NOTCH2: variants seen among roughly 807,000 people sequenced by gnomAD.
The protein encoded by NOTCH2 is neurogenic locus notch homolog protein 2.
A neutral mutation model predicts 235.8 loss-of-function variants in NOTCH2; 29 were observed. The observed-to-expected ratio is 0.12, with a 90% CI of 0.09 to 0.17. NOTCH2 has a LOEUF of 0.17. Among genes scored for constraint, NOTCH2 ranks in the 10% least tolerant of loss-of-function variants. The probability of loss-of-function intolerance (pLI) is 1.00; values close to 1 mark genes in which losing one functional copy is unlikely to be tolerated. For missense variants in NOTCH2, 2,285 were observed against 3,150.2 expected, an observed-to-expected ratio of 0.73 and a Z score of 6.57; for synonymous variants, 1,086 against 1,141.5, an observed-to-expected ratio of 0.95 and a Z score of 0.98.
At chr1:119,949,515 T>C (rs922109099) in intron 15 of NOTCH2, among the ~76,000 whole-genome samples, 7 of 151,060 alleles carry the variant, frequency 4.6e-5, no homozygotes, top group African/African-American at 1.7e-4. Flanking sequence ...GCCTCCCGAG[T>C]AGCTGGGACT....
At chr1:119,945,623 G>C (rs1650226174) in intron 17 of NOTCH2, among the ~76,000 whole-genome samples, 1 of 151,964 alleles carries the variant, frequency 6.6e-6, no homozygotes, top group African/African-American at 2.4e-5. Flanking sequence ...AGTTTAAAAA[G>C]GCCATTTCAA....
chr1:119,987,136 C>A (rs1468613932), intron 4 of NOTCH2, 54 bp from the exon 5 acceptor site: 28 of 1,606,018 alleles, frequency 1.7e-5, no homozygotes, highest in African/African-American at 4.0e-5. Flanking sequence ...AAGAAACGAC[C>A]TGCTCTGTTC....
intron 21 of NOTCH2, among the ~76,000 whole-genome samples, chr1:119,936,987 A>G (rs932680426): frequency 5.3e-5 from 8 of 152,064 alleles, no homozygotes; most frequent in African/African-American, 1.9e-4. Flanking sequence ...GTGGACTGCT[A>G]TGTTGGGTGG....
intron 1 of NOTCH2, among the ~76,000 whole-genome samples, chr1:120,055,768 A>G (rs1266298328): frequency 1.3e-5 from 2 of 152,058 alleles, no homozygotes; most frequent in African/African-American, 4.8e-5. Flanking sequence ...GAAGAAGCAA[A>G]CTGTCAAGGG....
intron 13 of NOTCH2, among the ~76,000 whole-genome samples, chr1:119,954,323 A>G (rs1258356997): frequency 6.6e-6 from 1 of 152,216 alleles, no homozygotes; most frequent in East Asian, 1.9e-4. Context: ...TGAGAGATGG[A>G]TAAGGGTGCC....
intron 7 of NOTCH2, 53 bp downstream of exon 7, chr1:119,968,024 T>A: frequency 6.2e-7 from 1 of 1,605,912 alleles, no homozygotes; most frequent in Non-Finnish European, 8.5e-7. Flanking sequence ...AGTTTAAACA[T>A]TTGCTGAGCT....
intron 22 of NOTCH2, among the ~76,000 whole-genome samples, chr1:119,934,411 C>T (rs1217806947): frequency 1.3e-5 from 2 of 152,212 alleles, no homozygotes; most frequent in African/African-American, 4.8e-5. Context: ...TTGTCCTAAC[C>T]AGTACAGTTT....
chr1:119,944,310 C>T (rs587684559), intron 17 of NOTCH2, among the ~76,000 whole-genome samples: 2 of 151,960 alleles, frequency 1.3e-5, no homozygotes, highest in South Asian at 2.1e-4. Context: ...TCCAGGTGGA[C>T]GGATAACAAG....
At chr1:120,035,376 T>C (rs1654268627) in intron 1 of NOTCH2, among the ~76,000 whole-genome samples, 1 of 151,638 alleles carries the variant, frequency 6.6e-6, no homozygotes, top group Non-Finnish European at 1.5e-5. Flanking sequence ...AGCCATTTCT[T>C]ACTTTAACGA....
In NOTCH2 at chr1:119,965,447, T is replaced by C. The variant is rs1161526792; in HGVS notation, c.1681+6A>G. 6.2e-7 allele frequency: 1 copy of C among 1,607,026 alleles called. No homozygotes were observed. Among genetic ancestry groups the C allele is most frequent in the Admixed American group, 1.7e-5 (1 of 60,008 alleles). Reference sequence around the variant, plus strand: ...CCAAGGAGATGAAAAGTGAGAAGAATCTTACCTGTGGCACACTGGCATTCA... The same window carrying C: ...CCAAGGAGATGAAAAGTGAGAAGAACCTTACCTGTGGCACACTGGCATTCA... On this transcript the variant is annotated splice_donor_region_variant and intron_variant, in intron 10 of 33. Transcript: ENST00000256646.
intron 22 of NOTCH2, among the ~76,000 whole-genome samples, chr1:119,930,972 G>A (rs1217180860): frequency 2.1e-5 from 3 of 145,338 alleles, no homozygotes; most frequent in South Asian, 2.2e-4. Context: ...GCATGGTGGC[G>A]GGCGCTTGTA....
chr1:120,029,945 C>G lies in NOTCH2; in HGVS notation c.116G>C (p.Gly39Ala). The G allele has an allele frequency of 1.4e-6, 1 of 721,536 alleles. No individual in the cohort carries two copies. The highest frequency in any genetic ancestry group is 2.4e-6 in the Non-Finnish European group (1 of 417,652). 44.7% of individuals were successfully genotyped at this position (721,536 alleles called of 1,614,324 possible). A position where few individuals can be genotyped will look rare whatever the true frequency, so the allele number is the denominator to read the frequency against. Residue 39 changes from glycine (G) to alanine (A), a missense_variant, in exon 2 of 34, where the codon GGA becomes GCA. Gly to Ala is a moderately conservative substitution (Grantham distance 60). Coordinates refer to ENST00000256646, the MANE Select transcript of NOTCH2 (RefSeq NM_024408.4). ...GCCATTGTGGTAGGTAACACACATT[C>G]CTTCATTTACACAGGGTTCATAGCC... ...RDGYEPCVNE[G>A]MCVTYHNGTG...
At chr1:119,932,659 G>C (rs943339363) in intron 22 of NOTCH2, among the ~76,000 whole-genome samples, 16 of 150,942 alleles carry the variant, frequency 1.1e-4, no homozygotes, top group South Asian at 2.1e-4. Context: ...ATCTCAGAGA[G>C]AGAGAGAGGA....
At chr1:119,935,218 C>A in intron 22 of NOTCH2, 4 of 1,371,788 alleles carry the variant, frequency 2.9e-6, no homozygotes, top group East Asian at 2.8e-5. Flanking sequence ...ATGTTGTATC[C>A]CTTCCATATT....
intron 3 of NOTCH2, among the ~76,000 whole-genome samples, chr1:120,004,004 T>C (rs1326852567): frequency 2.6e-5 from 4 of 151,522 alleles, no homozygotes; most frequent in Admixed American, 1.3e-4. Flanking sequence ...TGTAAAAGAG[T>C]TTGCAGTTTA....
At chr1:119,953,505 C>T (rs1553198046) in intron 14 of NOTCH2, 38 bp downstream of exon 14, 4 of 1,611,472 alleles carry the variant, frequency 2.5e-6, no homozygotes, top group East Asian at 2.2e-5. Flanking sequence ...AACAAGAAGA[C>T]AAAGAGCAGA....
At chr1:119,938,080 G>T in intron 19 of NOTCH2, 70 bp from the exon 20 acceptor site, 1 of 1,540,806 alleles carries the variant, frequency 6.5e-7, no homozygotes, top group South Asian at 1.1e-5. Context: ...AAGTTATATT[G>T]TGTTACAAGA....
In NOTCH2 at chr1:119,925,292, G is replaced by C. The variant is rs770885055; in HGVS notation, c.4511+13C>G. ...ACAGTCCCCTTCAGTTCTGGAAAAC[G>C]TGAAGCCCTTACTTGCATGTCTTGC... On this transcript the variant is annotated intron_variant, in intron 25 of 33. Transcript: ENST00000256646. 1.2e-5 allele frequency: 20 copies of C among 1,613,072 alleles called. No homozygotes were observed. Among genetic ancestry groups the C allele is most frequent in the Admixed American group, 1.7e-5 (1 of 60,004 alleles).
chr1:120,014,501 G>A (rs1553207570), intron 2 of NOTCH2, among the ~76,000 whole-genome samples: 1 of 145,978 alleles, frequency 6.9e-6, no homozygotes, highest in South Asian at 2.1e-4. Context: ...GAAAAGCAAA[G>A]GAAGGAAGAA....
Sources: allele counts gnomAD v4.1 joint callset (sites outside exome capture counted in the v4.1 genomes callset), GRCh38; gene constraint gnomAD v4.1.1; transcripts MANE v1.5; gene names NCBI Gene and HGNC (gene_info 2026-07-23, HGNC 2026-07-21).